KIAA0825: variants seen among roughly 807,000 people sequenced by gnomAD.
KIAA0825 encodes the protein uncharacterized protein KIAA0825.
A neutral mutation model predicts 147.6 loss-of-function variants in KIAA0825; 119 were observed. That is an observed-to-expected ratio of 0.81 (90% confidence interval 0.69 to 0.94). The LOEUF is 0.94. Among genes scored for constraint, KIAA0825 ranks in the 40% least tolerant of loss-of-function variants. The probability of loss-of-function intolerance (pLI) is 0.00; values close to 1 mark genes in which losing one functional copy is unlikely to be tolerated. For missense variants in KIAA0825, 1,381 were observed against 1,472.7 expected (o/e 0.94, Z 1.02); for synonymous variants, 470 against 518.1 (o/e 0.91, Z 1.26).
chr5:94,499,137 T>C (rs1764727804), intron 5 of KIAA0825, among the ~76,000 whole-genome samples: 2 of 152,178 alleles, frequency 1.3e-5, no homozygotes, highest in Non-Finnish European at 2.9e-5. Flanking sequence ...ATATGATTAG[T>C]TGCTCCAGGG....
At chr5:94,494,058 C>T (rs1173313693) in intron 5 of KIAA0825, among the ~76,000 whole-genome samples, 1 of 152,134 alleles carries the variant, frequency 6.6e-6, no homozygotes. Context: ...AAGATAGAGT[C>T]ACCCTGAAGC....
At chr5:94,240,947 C>T (rs1008760828) in intron 20 of KIAA0825, among the ~76,000 whole-genome samples, 7 of 152,100 alleles carry the variant, frequency 4.6e-5, no homozygotes, top group African/African-American at 9.7e-5. Context: ...TACTTTATCT[C>T]GGTAAATAAA....
At chr5:94,593,844 CAACT>C (rs1425214139) in intron 1 of KIAA0825, 1 of 343,002 alleles carries the variant, frequency 2.9e-6, no homozygotes, top group East Asian at 7.7e-5. Context: ...AGTTTCATAC[CAACT>C]GAGATGTCCA....
intron 20 of KIAA0825, among the ~76,000 whole-genome samples, chr5:94,159,114 A>G (rs1269948527): frequency 6.6e-6 from 1 of 152,054 alleles, no homozygotes; most frequent in Non-Finnish European, 1.5e-5. Context: ...CATGGTCCCA[A>G]TACAGTTGTT....
chr5:94,606,875 A>G (rs1787587694), intron 1 of KIAA0825, among the ~76,000 whole-genome samples: 1 of 152,162 alleles, frequency 6.6e-6, no homozygotes, highest in South Asian at 2.1e-4. Context: ...GCAGAGGGCA[A>G]AGCAAGAACC....
intron 14 of KIAA0825, among the ~76,000 whole-genome samples, chr5:94,420,663 T>G (rs1754065989): frequency 6.6e-6 from 1 of 152,032 alleles, no homozygotes; most frequent in Non-Finnish European, 1.5e-5. Context: ...ACATGTTTAA[T>G]ATTGAAGAAG....
chr5:94,440,203 T>C (rs1584496675), intron 13 of KIAA0825, 82 bp from the exon 14 acceptor site: 1 of 1,308,998 alleles, frequency 7.6e-7, no homozygotes, highest in East Asian at 2.6e-5. Context: ...GATGTAATGC[T>C]AACTCCTTTA....
intron 20 of KIAA0825, among the ~76,000 whole-genome samples, chr5:94,293,403 C>T (rs1310378097): frequency 1.3e-5 from 2 of 152,156 alleles, no homozygotes; most frequent in Non-Finnish European, 2.9e-5. Context: ...TGTTCAGTTT[C>T]CATGTAGTTG....
intron 20 of KIAA0825, among the ~76,000 whole-genome samples, chr5:94,157,492 G>A (rs1305816991): frequency 1.3e-5 from 2 of 152,176 alleles, no homozygotes; most frequent in East Asian, 3.9e-4. Context: ...AACAGAATCA[G>A]CAGTTACAAC....
At chr5:94,595,427 T>G (rs569406644) in intron 1 of KIAA0825, among the ~76,000 whole-genome samples, 3 of 152,306 alleles carry the variant, frequency 2.0e-5, no homozygotes, top group Middle Eastern at 3.4e-3. Flanking sequence ...TAGCCACAGC[T>G]GGCATACAGG....
At chr5:94,566,585 T>C (rs1485353134) in intron 2 of KIAA0825, among the ~76,000 whole-genome samples, 1 of 152,152 alleles carries the variant, frequency 6.6e-6, no homozygotes, top group Admixed American at 6.5e-5. Context: ...ATGAGTTTCT[T>C]AGCTGTATCT....
At chr5:94,303,003 G>T (rs1390838684) in intron 20 of KIAA0825, among the ~76,000 whole-genome samples, 1 of 151,846 alleles carries the variant, frequency 6.6e-6, no homozygotes, top group Non-Finnish European at 1.5e-5. Flanking sequence ...TTCATAAGAA[G>T]CACTTCAACA....
chr5:94,160,632 CTGTA>C (rs1402695183), intron 20 of KIAA0825, among the ~76,000 whole-genome samples: 1 of 146,282 alleles, frequency 6.8e-6, no homozygotes, highest in Non-Finnish European at 1.5e-5. Context: ...TAAATATATA[CTGTA>C]TGTGTGTATA....
At chr5:94,442,419 G>A (rs1475622086) in intron 13 of KIAA0825, among the ~76,000 whole-genome samples, 1 of 152,140 alleles carries the variant, frequency 6.6e-6, no homozygotes, top group African/African-American at 2.4e-5. Context: ...GAGAGAAGAA[G>A]GGTGTTACTA....
intron 1 of KIAA0825, chr5:94,594,812 G>T: frequency 4.1e-6 from 2 of 488,434 alleles, no homozygotes; most frequent in Non-Finnish European, 7.9e-6. Context: ...TATTTAAAAT[G>T]AGTGTTATCA....
chr5:94,288,951 A>G (rs1777768540), intron 20 of KIAA0825, among the ~76,000 whole-genome samples: 1 of 152,152 alleles, frequency 6.6e-6, no homozygotes, highest in African/African-American at 2.4e-5. Context: ...GGTTACTGTG[A>G]TGGCCCCCAA....
chr5:94,404,353 CAT>C (rs946915055), intron 15 of KIAA0825, among the ~76,000 whole-genome samples: 8 of 152,042 alleles, frequency 5.3e-5, no homozygotes, highest in African/African-American at 1.9e-4. Context: ...TATCTCCACA[CAT>C]ATATAAAATA....
At chr5:94,382,565 A>C (rs1748566841) in intron 20 of KIAA0825, among the ~76,000 whole-genome samples, 1 of 152,164 alleles carries the variant, frequency 6.6e-6, no homozygotes, top group African/African-American at 2.4e-5. Flanking sequence ...TGATTTTCAT[A>C]CCATTCTTTA....
chr5:94,489,887 CAAA>C (rs747717616), intron 5 of KIAA0825, among the ~76,000 whole-genome samples: 8 of 58,172 alleles, frequency 1.4e-4, no homozygotes, highest in Admixed American at 1.9e-4. Flanking sequence ...GACTCTGTCT[CAAA>C]AAAAAAAAAA....
Sources: allele counts gnomAD v4.1 joint callset (sites outside exome capture counted in the v4.1 genomes callset), GRCh38; gene constraint gnomAD v4.1.1; transcripts MANE v1.5; gene names NCBI Gene and HGNC (gene_info 2026-07-23, HGNC 2026-07-21).